C16orf74: variants seen among roughly 807,000 people sequenced by gnomAD.
C16orf74 encodes uncharacterized protein C16orf74.
Under a neutral mutation model 6.5 loss-of-function variants are expected in C16orf74, and 10 were observed. The ratio of observed to expected loss-of-function variants is 1.54; its 90% confidence interval spans 0.95 to 2.61. The LOEUF (loss-of-function observed/expected upper bound fraction) is 2.61. Ranked by LOEUF, C16orf74 falls within the 30% of genes most tolerant of loss-of-function variation. The pLI is 0.00. For missense variants in C16orf74, 141 were observed against 105.9 expected (o/e 1.33, Z -1.45); for synonymous variants, 60 against 42.5 (o/e 1.41, Z -1.60).
At chr16:85,715,653 C>G (rs2054015894) in intron 2 of C16orf74, among the ~76,000 whole-genome samples, 1 of 152,216 alleles carries the variant, frequency 6.6e-6, no homozygotes, top group Non-Finnish European at 1.5e-5. Flanking sequence ...GAGCATGACT[C>G]TGTCTCAATA....
intron 1 of C16orf74, among the ~76,000 whole-genome samples, chr16:85,740,640 CGAGAT>C (rs1567812423): frequency 1.5e-4 from 22 of 147,392 alleles, no homozygotes; most frequent in African/African-American, 5.5e-4. Context: ...TGCAGGGAGC[CGAGAT>C]CGTGCCACTG....
intron 2 of C16orf74, among the ~76,000 whole-genome samples, chr16:85,713,347 C>T (rs2152058059): frequency 6.6e-6 from 1 of 152,336 alleles, no homozygotes; most frequent in East Asian, 1.9e-4. Context: ...TCTCAGCTCA[C>T]TGCAACCTCT....
intron 1 of C16orf74, among the ~76,000 whole-genome samples, chr16:85,740,862 C>A (rs2054299110): frequency 7.4e-6 from 1 of 134,908 alleles, no homozygotes; most frequent in African/African-American, 2.7e-5. Flanking sequence ...AAAATATACA[C>A]TGACGTGTCT....
intron 1 of C16orf74, among the ~76,000 whole-genome samples, chr16:85,749,632 G>T (rs301145): frequency 0.34 from 51,752 of 152,176 alleles, 10,752 homozygotes; most frequent in Middle Eastern, 0.56. Context: ...TTGGAGAGTT[G>T]GTCAGGGGAT....
In C16orf74 at chr16:85,724,697, G is replaced by A. The variant is rs372187525; in HGVS notation, c.28+10493C>T. ...ATGACGAGGATAATGGGGATGACAG[G>A]GCAGCCACCCCGGCCGGCGGGAGGG... On this transcript the variant is annotated intron_variant, in intron 2 of 3. Transcript: ENST00000284245. Among the ~76,000 whole-genome samples, 11 of 152,268 alleles carry A rather than the reference G, an allele frequency of 7.2e-5. No homozygotes were observed. The East Asian group carries it at 9.7e-4, about 13-fold the overall frequency.
At chr16:85,708,569 C>T (rs2053936436) in intron 3 of C16orf74, among the ~76,000 whole-genome samples, 1 of 152,186 alleles carries the variant, frequency 6.6e-6, no homozygotes, top group Admixed American at 6.5e-5. Flanking sequence ...CTCTCTGGAC[C>T]TGTTTGTTTC....
At chr16:85,739,811 G>T (rs1046173156) in intron 1 of C16orf74, among the ~76,000 whole-genome samples, 6 of 152,076 alleles carry the variant, frequency 3.9e-5, no homozygotes, top group African/African-American at 1.4e-4. Flanking sequence ...AAAAAGAAAA[G>T]AAGTAATAAA....
chr16:85,746,328 C>T (rs775199668), intron 1 of C16orf74, among the ~76,000 whole-genome samples: 21 of 152,124 alleles, frequency 1.4e-4, no homozygotes, highest in African/African-American at 2.2e-4. Context: ...CAAGCCTGGG[C>T]GGCAAGGTGA....
intron 2 of C16orf74, among the ~76,000 whole-genome samples, chr16:85,723,661 G>A (rs1414899985): frequency 1.3e-5 from 2 of 152,244 alleles, no homozygotes; most frequent in African/African-American, 4.8e-5. Context: ...CCTTCTGAGT[G>A]GATGGTAGAA....
At chr16:85,727,330 G>A (rs1294662829) in intron 2 of C16orf74, among the ~76,000 whole-genome samples, 1 of 152,198 alleles carries the variant, frequency 6.6e-6, no homozygotes, top group Admixed American at 6.5e-5. Flanking sequence ...TCAACCCCAG[G>A]CTGAGCCCCC....
chr16:85,731,037 G>A lies in C16orf74; in HGVS notation c.28+4153C>T, dbSNP rs535167298. On this transcript the variant is annotated intron_variant, in intron 2 of 3. Transcript: ENST00000284245. ...CCTTATTCATGGGACTGCTAGAAACGTCAAAATCTATTTCTACTGGATGGT... is the reference window on the plus strand; with the variant it reads ...CCTTATTCATGGGACTGCTAGAAACATCAAAATCTATTTCTACTGGATGGT... Among the ~76,000 whole-genome samples, 10 of 152,312 alleles carry A rather than the reference G, an allele frequency of 6.6e-5. No individual in the cohort carries two copies. In the South Asian group the frequency reaches 1.0e-3, roughly 16 times the overall value.
At chr16:85,711,450 A>G (rs2053968812) in intron 2 of C16orf74, among the ~76,000 whole-genome samples, 1 of 123,452 alleles carries the variant, frequency 8.1e-6, no homozygotes, top group African/African-American at 2.9e-5. Flanking sequence ...CCCCGTCTCC[A>G]CTGAAAATAC....
At chr16:85,738,738 G>C (rs924016684) in intron 1 of C16orf74, among the ~76,000 whole-genome samples, 1 of 151,880 alleles carries the variant, frequency 6.6e-6, no homozygotes, top group African/African-American at 2.4e-5. Flanking sequence ...CTGGGGCTGA[G>C]GGACGGAGGG....
intron 2 of C16orf74, among the ~76,000 whole-genome samples, chr16:85,716,574 G>GAAGGAGGGAGAA (rs1437412312): frequency 4.7e-5 from 7 of 147,748 alleles, no homozygotes; most frequent in Non-Finnish European, 7.5e-5. Context: ...AGGGGAGAGG[G>GAAGGAGGGAGAA]AAGGAGGGAG....
At chr16:85,713,845 G>A (rs1385353040) in intron 2 of C16orf74, among the ~76,000 whole-genome samples, 8 of 152,200 alleles carry the variant, frequency 5.3e-5, no homozygotes, top group Non-Finnish European at 1.2e-4. Flanking sequence ...GCTGTCCATG[G>A]CTCCACGAGG....
At chr16:85,713,115 G>A (rs2053986405) in intron 2 of C16orf74, among the ~76,000 whole-genome samples, 1 of 152,160 alleles carries the variant, frequency 6.6e-6, no homozygotes, top group Non-Finnish European at 1.5e-5. Flanking sequence ...GGCAAGGCTG[G>A]TTCCTCTGGA....
At chr16:85,740,893 C>A (rs1290068106) in intron 1 of C16orf74, among the ~76,000 whole-genome samples, 1 of 149,864 alleles carries the variant, frequency 6.7e-6, no homozygotes, top group Non-Finnish European at 1.5e-5. Context: ...GTCATCATTT[C>A]CGTAACTTAA....
chr16:85,749,705 G>T (rs1247759436), intron 1 of C16orf74, among the ~76,000 whole-genome samples: 1 of 152,224 alleles, frequency 6.6e-6, no homozygotes, highest in African/African-American at 2.4e-5. Flanking sequence ...CTATCAGTGC[G>T]CTCTTCTTCA....
chr16:85,708,117 C>A, intron 3 of C16orf74, 51 bp from the exon 4 acceptor site: 1 of 1,461,018 alleles, frequency 6.8e-7, no homozygotes, highest in South Asian at 1.2e-5. Flanking sequence ...CCCACCACAC[C>A]AAGCCCCGTT....
Sources: gnomAD v4.1 joint callset for allele counts (sites outside exome capture counted in the v4.1 genomes callset) on GRCh38, gnomAD v4.1.1 for gene constraint, MANE v1.5 for transcripts, NCBI Gene and HGNC (gene_info 2026-07-23, HGNC 2026-07-21) for gene names.